SLC24A2: variants seen among roughly 807,000 people sequenced by gnomAD.
SLC24A2 encodes sodium/potassium/calcium exchanger 2.
In SLC24A2, 36 loss-of-function variants were observed where a neutral mutation model predicts 62.0. The ratio of observed to expected loss-of-function variants is 0.58; its 90% confidence interval spans 0.44 to 0.77. The LOEUF (loss-of-function observed/expected upper bound fraction) is 0.77. SLC24A2 is among the 30% of genes least tolerant of loss of function. The probability of loss-of-function intolerance (pLI) is 0.00; values close to 1 mark genes in which losing one functional copy is unlikely to be tolerated. For synonymous variants in SLC24A2, 358 were observed against 294.0 expected, an observed-to-expected ratio of 1.22 and a Z score of -2.23; for missense variants, 846 against 817.9, an observed-to-expected ratio of 1.03 and a Z score of -0.42.
chr9:19,529,360 A>C, intron 8 of SLC24A2, among the ~76,000 whole-genome samples: 1 of 152,224 alleles, frequency 6.6e-6, no homozygotes, highest in East Asian at 1.9e-4. Flanking sequence ...TTGAATATCA[A>C]TAATGATGAA....
At chr9:19,849,676 C>T in the SLC24A2 span, among the ~76,000 whole-genome samples, 300 of 152,130 alleles carry the variant, frequency 2.0e-3, 1 homozygote, top group African/African-American at 7.0e-3. Context: ...CCTAGAAATG[C>T]GTCTATTTTT....
Position 19,722,475 on chromosome 9 carries a change from T to C in SLC24A2, c.930+63462A>G, listed in dbSNP as rs947160226. On this transcript the variant is annotated intron_variant, in intron 2 of 10. Transcript: ENST00000341998. ...ACATCTTTGACAGAAAAGCTGAAAA[T>C]AGTTGATTAATATTTGGTTTGTAAT... Among the ~76,000 whole-genome samples the C allele has an allele frequency of 3.3e-5, 5 of 151,950 alleles. No individual in the cohort carries two copies. The South Asian group carries it at 6.2e-4, about 19-fold the overall frequency.
the SLC24A2 span, among the ~76,000 whole-genome samples, chr9:20,000,177 G>A: frequency 1.3e-5 from 2 of 152,324 alleles, no homozygotes; most frequent in East Asian, 3.9e-4. Context: ...AGTATGTATG[G>A]AAATGGTTGG....
chr9:19,588,360 T>C (rs1836438241), intron 5 of SLC24A2, among the ~76,000 whole-genome samples: 1 of 152,064 alleles, frequency 6.6e-6, no homozygotes, highest in African/African-American at 2.4e-5. Context: ...TCTGCTTTGG[T>C]AATTGCAAGG....
chr9:19,987,110 G>A, the SLC24A2 span, among the ~76,000 whole-genome samples: 1 of 152,112 alleles, frequency 6.6e-6, no homozygotes, highest in Admixed American at 6.6e-5. Flanking sequence ...TCCTCGTGTG[G>A]AAGAGCTGAT....
the SLC24A2 span, among the ~76,000 whole-genome samples, chr9:20,183,608 C>G: frequency 6.6e-6 from 1 of 152,196 alleles, no homozygotes; most frequent in South Asian, 2.1e-4. Flanking sequence ...CTAATGCTAG[C>G]AAGAACAGAT....
intron 2 of SLC24A2, among the ~76,000 whole-genome samples, chr9:19,631,655 C>G (rs1033954646): frequency 1.3e-5 from 2 of 152,124 alleles, no homozygotes; most frequent in African/African-American, 4.8e-5. Context: ...GAGACTAGAG[C>G]TTTGAAAGGA....
the SLC24A2 span, among the ~76,000 whole-genome samples, chr9:20,064,821 G>A: frequency 1.3e-5 from 2 of 152,182 alleles, no homozygotes; most frequent in African/African-American, 4.8e-5. Flanking sequence ...ATGAATCCAT[G>A]AAGACATGTT....
the SLC24A2 span, among the ~76,000 whole-genome samples, chr9:20,270,806 A>G: frequency 1.3e-5 from 2 of 152,220 alleles, no homozygotes; most frequent in Non-Finnish European, 2.9e-5. Flanking sequence ...AAAAACAAAA[A>G]TGTTTTTATA....
the SLC24A2 span, among the ~76,000 whole-genome samples, chr9:20,152,033 C>T: frequency 0.06 from 9,052 of 151,960 alleles, 580 homozygotes; most frequent in East Asian, 0.3. Flanking sequence ...TCTTCACCAT[C>T]TCCCATGGTA....
chr9:19,559,722 C>T (rs1415528129), intron 7 of SLC24A2, among the ~76,000 whole-genome samples: 2 of 152,210 alleles, frequency 1.3e-5, no homozygotes, highest in African/African-American at 2.4e-5. Flanking sequence ...TCACACTACA[C>T]ATTTCACAAA....
intron 7 of SLC24A2, among the ~76,000 whole-genome samples, chr9:19,567,371 C>T (rs1202786058): frequency 1.3e-5 from 2 of 151,130 alleles, no homozygotes; most frequent in East Asian, 1.9e-4. Flanking sequence ...ACAATGAAAC[C>T]CTGTCTCTAC....
chr9:20,175,653 T>C, the SLC24A2 span, among the ~76,000 whole-genome samples: 1 of 152,094 alleles, frequency 6.6e-6, no homozygotes, highest in African/African-American at 2.4e-5. Flanking sequence ...TGTCACACAC[T>C]TTCTTTAAAG....
chr9:19,545,174 G>T (rs910997888), intron 8 of SLC24A2, among the ~76,000 whole-genome samples: 1 of 151,456 alleles, frequency 6.6e-6, no homozygotes, highest in Non-Finnish European at 1.5e-5. Flanking sequence ...ATTTCATTAA[G>T]TTGATCTTCA....
At chr9:20,200,948 C>G in the SLC24A2 span, among the ~76,000 whole-genome samples, 1 of 152,164 alleles carries the variant, frequency 6.6e-6, no homozygotes, top group Admixed American at 6.5e-5. Flanking sequence ...GAACAGTTCT[C>G]TAAAACAGGG....
chr9:20,147,725 G>C, the SLC24A2 span, among the ~76,000 whole-genome samples: 1 of 151,474 alleles, frequency 6.6e-6, no homozygotes, highest in African/African-American at 2.4e-5. Flanking sequence ...AGGATGGCCC[G>C]TGGTCAGTAT....
At chr9:20,225,429 C>G in the SLC24A2 span, among the ~76,000 whole-genome samples, 1 of 149,574 alleles carries the variant, frequency 6.7e-6, no homozygotes, top group Non-Finnish European at 1.5e-5. Flanking sequence ...AGGGGATATG[C>G]AGGAATTTTC....
At chr9:19,959,139 G>T in the SLC24A2 span, among the ~76,000 whole-genome samples, 2 of 152,150 alleles carry the variant, frequency 1.3e-5, no homozygotes, top group African/African-American at 2.4e-5. Flanking sequence ...GTAGATTAAG[G>T]CTAGAGATAA....
At chr9:20,085,303 G>T in the SLC24A2 span, among the ~76,000 whole-genome samples, 1 of 152,088 alleles carries the variant, frequency 6.6e-6, no homozygotes, top group Admixed American at 6.6e-5. Context: ...CTGGCCCCAA[G>T]GTCTGTTTTG....
Sources: allele counts gnomAD v4.1 joint callset (sites outside exome capture counted in the v4.1 genomes callset), GRCh38; gene constraint gnomAD v4.1.1; transcripts MANE v1.5; gene names NCBI Gene and HGNC (gene_info 2026-07-23, HGNC 2026-07-21).